TEKT3: variants seen among roughly 807,000 people sequenced by gnomAD.
The protein encoded by TEKT3 is tektin 3.
TEKT3 carries 49 observed loss-of-function variants against 49.8 expected under a neutral mutation model. The observed-to-expected ratio is 0.98, with a 90% CI of 0.78 to 1.25. The LOEUF (loss-of-function observed/expected upper bound fraction) is 1.25. Ranked by LOEUF, TEKT3 falls within the 50% of genes most tolerant of loss-of-function variation. The pLI, the probability that TEKT3 is intolerant of heterozygous loss-of-function variation, is 0.00. For missense variants in TEKT3, 595 were observed against 629.5 expected, an observed-to-expected ratio of 0.95 and a Z score of 0.59; for synonymous variants, 225 against 237.2, an observed-to-expected ratio of 0.95 and a Z score of 0.47.
intron 7 of TEKT3, 171 bp from the exon 8 acceptor site, chr17:15,308,989 G>A (rs764156437): frequency 7.7e-4 from 567 of 734,854 alleles, no homozygotes; most frequent in Non-Finnish European, 1.1e-3. Context: ...GGGAACCCAC[G>A]TGTCTCACTG....
chr17:15,314,567 C>T (rs1036871010), intron 5 of TEKT3, among the ~76,000 whole-genome samples: 9 of 152,340 alleles, frequency 5.9e-5, no homozygotes, highest in Middle Eastern at 3.4e-3. Context: ...AGACAGGACA[C>T]GGGTTCAAAG....
intron 7 of TEKT3, among the ~76,000 whole-genome samples, chr17:15,311,623 A>T (rs1910774373): frequency 6.6e-6 from 1 of 152,222 alleles, no homozygotes; most frequent in African/African-American, 2.4e-5. Flanking sequence ...ACCCATGAAT[A>T]TGTACAATTA....
intron 5 of TEKT3, 46 bp from the exon 6 acceptor site, chr17:15,314,276 T>C (rs754444076): frequency 8.7e-6 from 14 of 1,611,076 alleles, no homozygotes; most frequent in Non-Finnish European, 1.2e-5. Flanking sequence ...CAGGTGACAA[T>C]GTCCTGCAAG....
upstream of TEKT3, among the ~76,000 whole-genome samples, chr17:15,343,368 C>CA (rs1280269306): frequency 6.6e-5 from 10 of 151,956 alleles, no homozygotes; most frequent in Admixed American, 5.9e-4. Context: ...GATACCCTCT[C>CA]AAAAAAAATT....
chr17:15,312,241 C>G lies in TEKT3; in HGVS notation c.1101+18G>C. The G allele has an allele frequency of 6.2e-7, 1 of 1,612,566 alleles. No homozygotes were observed. The highest frequency in any genetic ancestry group is 1.1e-5 in the South Asian group (1 of 91,040). On this transcript the variant is annotated intron_variant, in intron 7 of 8. Coordinates refer to ENST00000395930, the MANE Select transcript of TEKT3 (RefSeq NM_031898.3). ...TCTGTCCAGGTCAGCTAAGGGGTAC[C>G]ACTGGCGGTTGATTTACCTTTGCTA...
intron 4 of TEKT3, among the ~76,000 whole-genome samples, chr17:15,325,769 G>C (rs1165520748): frequency 6.6e-6 from 1 of 152,146 alleles, no homozygotes; most frequent in Non-Finnish European, 1.5e-5. Context: ...AACATCTCAG[G>C]ATTAGTGAGA....
At chr17:15,330,942 C>T in intron 3 of TEKT3, 65 bp downstream of exon 3, 1 of 1,417,622 alleles carries the variant, frequency 7.1e-7, no homozygotes, top group East Asian at 2.4e-5. Context: ...AAATAAATAA[C>T]CACAGTAACT....
At chr17:15,310,106 T>C (rs1910708661) in intron 7 of TEKT3, among the ~76,000 whole-genome samples, 1 of 152,250 alleles carries the variant, frequency 6.6e-6, no homozygotes, top group Admixed American at 6.5e-5. Context: ...CTTCTTCAGA[T>C]ACTATGTGCT....
chr17:15,305,198 G>A (rs1910493485), intron 8 of TEKT3, among the ~76,000 whole-genome samples: 2 of 152,218 alleles, frequency 1.3e-5, no homozygotes, highest in South Asian at 4.1e-4. Context: ...AGGCAGGACG[G>A]AGCCTGGAGC....
At chr17:15,341,620 T>C (rs1216578019), upstream of TEKT3, 3 of 152,238 alleles carry the variant, frequency 2.0e-5, no homozygotes, top group East Asian at 1.9e-4. Flanking sequence ...AGTCTGGCCC[T>C]GGCCCCGCCT....
At chr17:15,325,067 T>C (rs1911434382) in intron 4 of TEKT3, among the ~76,000 whole-genome samples, 1 of 152,244 alleles carries the variant, frequency 6.6e-6, no homozygotes, top group East Asian at 1.9e-4. Flanking sequence ...CAAAGATCAA[T>C]AGATGGTAAA....
chr17:15,305,343 C>G (rs923435102), intron 8 of TEKT3, among the ~76,000 whole-genome samples: 3 of 152,276 alleles, frequency 2.0e-5, no homozygotes, highest in East Asian at 3.9e-4. Context: ...CTTACAAGCT[C>G]TACTGTCTCC....
intron 4 of TEKT3, chr17:15,327,783 C>T (rs1911551710): frequency 4.5e-6 from 2 of 447,466 alleles, no homozygotes; most frequent in East Asian, 6.5e-5. Context: ...AAGTGATTTT[C>T]ATCTTTATTT....
chr17:15,318,844 A>T (rs1380419604), intron 5 of TEKT3, among the ~76,000 whole-genome samples: 7 of 152,224 alleles, frequency 4.6e-5, no homozygotes, highest in Admixed American at 1.3e-4. Context: ...ATGGGTACAT[A>T]ATGGGTATAT....
chr17:15,332,707 T>A (rs544600503), intron 2 of TEKT3, among the ~76,000 whole-genome samples: 10 of 152,158 alleles, frequency 6.6e-5, no homozygotes, highest in Non-Finnish European at 1.5e-4. Flanking sequence ...CAATGCTATG[T>A]ATTTAGAAGG....
chr17:15,313,681 G>T (rs954792587), intron 6 of TEKT3, among the ~76,000 whole-genome samples: 1 of 152,036 alleles, frequency 6.6e-6, no homozygotes, highest in Non-Finnish European at 1.5e-5. Flanking sequence ...GCTAATTTTT[G>T]TATTTTTAGT....
Position 15,319,088 on chromosome 17 carries a change from A to G in TEKT3, c.723T>C (p.Ile241=). ...ERMKLHLDKA[I]AQLAANRASQ... is the part of the protein sequence containing the mutation. ...CATAAAGCTCTTACGCAAGTTGGGC[A>G]ATAGCCTTATCCAAATGTAGCTTCA... The change falls in exon 5 of 9, where the codon ATT becomes ATC. Residue 241 remains isoleucine (I), a synonymous_variant. Coordinates refer to ENST00000395930, the MANE Select transcript of TEKT3 (RefSeq NM_031898.3). 6.2e-7 allele frequency: 1 copy of G among 1,612,372 alleles called. No individual in the cohort carries two copies. The highest frequency in any genetic ancestry group is 8.5e-7 in the Non-Finnish European group (1 of 1,179,340).
chr17:15,337,071 AT>A (rs1051943816), intron 2 of TEKT3, among the ~76,000 whole-genome samples: 3 of 152,036 alleles, frequency 2.0e-5, no homozygotes, highest in Non-Finnish European at 2.9e-5. Context: ...CAGAAAAAAA[AT>A]AATAAAAATA....
At chr17:15,311,607 C>T (rs1910773665) in intron 7 of TEKT3, among the ~76,000 whole-genome samples, 1 of 152,186 alleles carries the variant, frequency 6.6e-6, no homozygotes, top group Non-Finnish European at 1.5e-5. Flanking sequence ...CAAAACATCA[C>T]TGTCCACCCA....
Sources: gnomAD v4.1 joint callset for allele counts (sites outside exome capture counted in the v4.1 genomes callset) on GRCh38, gnomAD v4.1.1 for gene constraint, MANE v1.5 for transcripts, NCBI Gene and HGNC (gene_info 2026-07-23, HGNC 2026-07-21) for gene names.